PUDP: variants seen among roughly 807,000 people sequenced by gnomAD.
PUDP encodes pseudouridine 5'-phosphatase, also known as pseudouridine-5'-phosphatase.
PUDP carries 8 observed loss-of-function variants against 9.4 expected under a neutral mutation model. That is an observed-to-expected ratio of 0.85 (90% CI 0.50 to 1.53). The LOEUF (loss-of-function observed/expected upper bound fraction) is 1.53, where lower values mean the gene tolerates loss of function less well. Ranked by LOEUF, PUDP falls within the 40% of genes most tolerant of loss-of-function variation. The probability of loss-of-function intolerance (pLI) is 0.00; values close to 1 mark genes in which losing one functional copy is unlikely to be tolerated. For synonymous variants in PUDP, 99 were observed against 80.7 expected, an observed-to-expected ratio of 1.23 and a Z score of -1.22; for missense variants, 188 against 189.7, an observed-to-expected ratio of 0.99 and a Z score of 0.05.
chrX:7,033,154 A>C (rs192815938), intron 1 of PUDP, among the ~76,000 whole-genome samples: 2 of 111,725 alleles, frequency 1.8e-5, no homozygotes, highest in East Asian at 5.6e-4. Context: ...TCAGACTCCA[A>C]GTTCTTCAAC....
At chrX:6,835,518 T>C (rs1569108147) in intron 3 of PUDP, among the ~76,000 whole-genome samples, 1 of 111,905 alleles carries the variant, frequency 8.9e-6, no homozygotes, top group Non-Finnish European at 1.9e-5. Context: ...ATAGCATGTC[T>C]ATAAGCAAGA....
intron 3 of PUDP, among the ~76,000 whole-genome samples, chrX:6,837,906 A>G (rs1382030850): frequency 9.2e-6 from 1 of 108,782 alleles, no homozygotes; most frequent in Non-Finnish European, 1.9e-5. Flanking sequence ...AAAAAAAAAT[A>G]AGTAAATAAC....
At chrX:6,761,762 G>A (rs1389265959) in intron 3 of PUDP, among the ~76,000 whole-genome samples, 2 of 112,047 alleles carry the variant, frequency 1.8e-5, no homozygotes, top group African/African-American at 3.2e-5. Flanking sequence ...CTGTGGTGAC[G>A]GTTGGGCATC....
At chrX:7,059,999 G>A (rs773106066) in intron 3 of PUDP, among the ~76,000 whole-genome samples, 7 of 112,175 alleles carry the variant, frequency 6.2e-5, no homozygotes, top group African/African-American at 2.3e-4. Context: ...GATTAAATGA[G>A]CTGGTGGATG....
chrX:7,002,339 C>T lies in PUDP; in HGVS notation c.205-23996G>A, dbSNP rs886707522. 2.7e-5 allele frequency among the ~76,000 whole-genome samples: 3 copies of T among 111,969 alleles called. No homozygotes were observed. In the South Asian group the frequency reaches 1.1e-3, roughly 41 times the overall value. On this transcript the variant is annotated intron_variant and NMD_transcript_variant, in intron 1 of 3. Transcript: ENST00000655425. ...CAAGGTAAATGTGGAGGCAAAATTG[C>T]ATATGGTGGGTTTTCAATGGGAAAT... is the stretch of plus-strand genomic sequence containing the variant.
At chrX:6,812,966 T>G (rs1387708752) in intron 3 of PUDP, among the ~76,000 whole-genome samples, 1 of 110,701 alleles carries the variant, frequency 9.0e-6, no homozygotes, top group Admixed American at 9.6e-5. Flanking sequence ...TGGTGACACA[T>G]GCCTGTGATC....
chrX:7,059,924 C>G (rs953922301), intron 3 of PUDP, among the ~76,000 whole-genome samples: 1 of 111,983 alleles, frequency 8.9e-6, no homozygotes, highest in Non-Finnish European at 1.9e-5. Flanking sequence ...ATAATGGGAA[C>G]TGATAAACAC....
rs753221117 is a variant in PUDP at position 7,019,981 on chromosome X, A to G, written c.205-41638T>C. Among the ~76,000 whole-genome samples, 22 of 109,369 alleles carry G rather than the reference A, an allele frequency of 2.0e-4. No individual in the cohort carries two copies. In the South Asian group the frequency reaches 7.7e-3, roughly 38 times the overall value. The allele number at this position is 109,369 out of a possible 115,157, so 95.0% of individuals were successfully genotyped here. A position where few individuals can be genotyped will look rare whatever the true frequency, so the allele number is the denominator to read the frequency against. Reference sequence around the variant, plus strand: ...AAGATCCAGGAATTTATCTTAGGGGAAAAAAAAGGAATAGTATTGGAAGGA... The same window carrying G: ...AAGATCCAGGAATTTATCTTAGGGGGAAAAAAAGGAATAGTATTGGAAGGA... On this transcript the variant is annotated intron_variant and NMD_transcript_variant, in intron 1 of 3. Coordinates refer to the PUDP transcript ENST00000655425.
chrX:6,933,154 CGCAG>C (rs1928229771), intron 3 of PUDP, among the ~76,000 whole-genome samples: 1 of 107,198 alleles, frequency 9.3e-6, no homozygotes, highest in Non-Finnish European at 1.9e-5. Context: ...TCTGAGAACA[CGCAG>C]ACTGCCTCCT....
intron 3 of PUDP, among the ~76,000 whole-genome samples, chrX:6,967,065 C>T (rs1438190222): frequency 7.2e-5 from 8 of 111,060 alleles, no homozygotes; most frequent in African/African-American, 2.3e-4. Flanking sequence ...GGCCGTGTTT[C>T]AGGGGTTGAG....
chrX:6,898,890 G>A (rs1203541652), intron 3 of PUDP, among the ~76,000 whole-genome samples: 1 of 111,677 alleles, frequency 9.0e-6, no homozygotes, highest in East Asian at 2.8e-4. Context: ...TCCAAGTGAT[G>A]GAATCCACGC....
intron 3 of PUDP, among the ~76,000 whole-genome samples, chrX:6,835,119 G>T (rs1926562447): frequency 9.0e-6 from 1 of 111,144 alleles, no homozygotes; most frequent in South Asian, 3.8e-4. Context: ...GAAGAATTCT[G>T]CCCATCTTTG....
chrX:6,988,921 T>C (rs911409354), intron 1 of PUDP, among the ~76,000 whole-genome samples: 1 of 111,477 alleles, frequency 9.0e-6, no homozygotes, highest in Non-Finnish European at 1.9e-5. Context: ...ACTCAGTCAG[T>C]GCTGAAACAG....
At chrX:7,087,393 A>G (rs1931295872) in intron 2 of PUDP, among the ~76,000 whole-genome samples, 3 of 111,514 alleles carry the variant, frequency 2.7e-5, no homozygotes, top group African/African-American at 9.8e-5. Flanking sequence ...GAGGGAGTGC[A>G]GCCCTGCTCA....
chrX:6,959,275 A>G (rs148407063), intron 3 of PUDP, among the ~76,000 whole-genome samples: 3,376 of 111,325 alleles, frequency 0.03, 66 homozygotes, highest in African/African-American at 0.07. Flanking sequence ...GAAATATGTC[A>G]AAAGAGAGGC....
intron 3 of PUDP, among the ~76,000 whole-genome samples, chrX:7,072,642 C>G (rs1930771696): frequency 9.2e-6 from 1 of 108,478 alleles, no homozygotes; most frequent in East Asian, 2.9e-4. Flanking sequence ...GGTGAAACCC[C>G]ATCTCTACTA....
intron 1 of PUDP, among the ~76,000 whole-genome samples, chrX:7,030,055 A>G (rs180834300): frequency 1.8e-5 from 2 of 109,978 alleles, no homozygotes; most frequent in African/African-American, 6.6e-5. Context: ...TGGAGGATTC[A>G]GAATGCAGAA....
Position 7,037,061 on chromosome X carries a change from GC to G in PUDP, c.204+40158del, listed in dbSNP as rs1395791958. 3.6e-5 allele frequency among the ~76,000 whole-genome samples: 4 copies of G among 111,228 alleles called. No homozygotes were observed. In the East Asian group the frequency reaches 1.1e-3, roughly 31 times the overall value. On this transcript the variant is annotated intron_variant and NMD_transcript_variant, in intron 1 of 3. Transcript: ENST00000655425. ...TTTTCATTTCAGCATCATTTTAAAG[GC>G]CCCCGGCTGGCTCCACCCTTTTTAA...
intron 3 of PUDP, among the ~76,000 whole-genome samples, chrX:6,963,161 C>T (rs1297931220): frequency 8.9e-6 from 1 of 112,306 alleles, no homozygotes; most frequent in Non-Finnish European, 1.9e-5. Flanking sequence ...CTTCAAGGGT[C>T]CCTGTGAGCA....
Sources: allele counts gnomAD v4.1 joint callset (sites outside exome capture counted in the v4.1 genomes callset), GRCh38; gene constraint gnomAD v4.1.1; transcripts MANE v1.5; gene names NCBI Gene and HGNC (gene_info 2026-07-23, HGNC 2026-07-21).